Variants in METTL25 observed in about 807,000 individuals in gnomAD.
METTL25 encodes methyltransferase like 25.
In METTL25, 64 loss-of-function variants were observed where a neutral mutation model predicts 71.6. The observed-to-expected ratio is 0.89, with a 90% confidence interval of 0.73 to 1.10. The LOEUF (loss-of-function observed/expected upper bound fraction) is 1.10, where lower values mean the gene tolerates loss of function less well. Ranked by LOEUF, METTL25 falls within the 50% of genes least tolerant of loss-of-function variation. The pLI is 0.00. For missense variants in METTL25, 807 were observed against 707.0 expected, an observed-to-expected ratio of 1.14 and a Z score of -1.60; for synonymous variants, 287 against 250.3, an observed-to-expected ratio of 1.15 and a Z score of -1.38.
chr12:82,432,653 G>A (rs549149054), intron 6 of METTL25, among the ~76,000 whole-genome samples: 4 of 151,608 alleles, frequency 2.6e-5, no homozygotes, highest in African/African-American at 9.7e-5. Context: ...GACCATGCTG[G>A]CCTTAACTTG....
chr12:82,370,754 C>T (rs1013263719), intron 1 of METTL25, among the ~76,000 whole-genome samples: 23 of 152,074 alleles, frequency 1.5e-4, no homozygotes, highest in Admixed American at 7.2e-4. Context: ...CTCTCTCTGT[C>T]TCTGACTCCC....
chr12:82,443,312 C>G (rs1229773967), intron 8 of METTL25, among the ~76,000 whole-genome samples: 1 of 151,694 alleles, frequency 6.6e-6, no homozygotes, highest in Non-Finnish European at 1.5e-5. Flanking sequence ...AGGAGGGAAG[C>G]AGAATACCCC....
At chr12:82,462,831 A>G (rs1891976679) in intron 9 of METTL25, among the ~76,000 whole-genome samples, 2 of 152,096 alleles carry the variant, frequency 1.3e-5, no homozygotes, top group Non-Finnish European at 2.9e-5. Context: ...TATAGAACCT[A>G]TGCATATCCT....
intron 9 of METTL25, among the ~76,000 whole-genome samples, chr12:82,473,163 C>T (rs765945694): frequency 5.3e-5 from 8 of 151,972 alleles, no homozygotes; most frequent in Admixed American, 6.5e-5. Flanking sequence ...CTTTGCTAGG[C>T]ATGGCCTCAC....
At chr12:82,369,586 G>A in intron 1 of METTL25, 1 of 335,572 alleles carries the variant, frequency 3.0e-6, no homozygotes, top group South Asian at 2.2e-5. Flanking sequence ...TCTTAAAGGT[G>A]ATGCAGACCC....
intron 11 of METTL25, 27 bp from the exon 12 acceptor site, chr12:82,478,905 A>G (rs1240048244): frequency 5.1e-6 from 8 of 1,568,322 alleles, no homozygotes; most frequent in Non-Finnish European, 7.0e-6. Context: ...AAATGGTTGT[A>G]TATCTAAATC....
chr12:82,423,156 A>G (rs941965565), intron 5 of METTL25, among the ~76,000 whole-genome samples: 1 of 152,162 alleles, frequency 6.6e-6, no homozygotes, highest in Non-Finnish European at 1.5e-5. Context: ...ACAAGGCTAC[A>G]ATAACCAAAA....
chr12:82,368,523 G>T (rs1882830079), intron 1 of METTL25, among the ~76,000 whole-genome samples: 1 of 152,054 alleles, frequency 6.6e-6, no homozygotes, highest in African/African-American at 2.4e-5. Flanking sequence ...AATCTGCCTG[G>T]CCCCCTAAGG....
intron 1 of METTL25, among the ~76,000 whole-genome samples, chr12:82,362,595 A>G (rs1384572047): frequency 6.6e-6 from 1 of 152,210 alleles, no homozygotes; most frequent in African/African-American, 2.4e-5. Context: ...ATCCTCACAT[A>G]AAACTTGTAG....
At chr12:82,384,833 A>G (rs1884807756) in intron 1 of METTL25, among the ~76,000 whole-genome samples, 1 of 151,488 alleles carries the variant, frequency 6.6e-6, no homozygotes, top group Admixed American at 6.6e-5. Context: ...CCAATAGCTA[A>G]CTATTATAAT....
intron 1 of METTL25, among the ~76,000 whole-genome samples, chr12:82,359,286 A>G (rs1592562250): frequency 3.0e-5 from 2 of 67,274 alleles, no homozygotes; most frequent in African/African-American, 6.2e-5. Flanking sequence ...GAGGTCAGGA[A>G]CATGAGAAGG....
At chr12:82,462,046 TA>T (rs1891914594) in intron 9 of METTL25, among the ~76,000 whole-genome samples, 1 of 152,244 alleles carries the variant, frequency 6.6e-6, no homozygotes, top group Admixed American at 6.5e-5. Context: ...TTCCTTTTTC[TA>T]TAGACTAGGA....
At chr12:82,472,635 A>T (rs1015309114) in intron 9 of METTL25, among the ~76,000 whole-genome samples, 1 of 152,062 alleles carries the variant, frequency 6.6e-6, no homozygotes, top group Non-Finnish European at 1.5e-5. Flanking sequence ...TCTGTTATTG[A>T]AGCTCTCAAT....
At chr12:82,434,805 A>G (rs998717161) in intron 7 of METTL25, 81 bp downstream of exon 7, 10 of 1,103,656 alleles carry the variant, frequency 9.1e-6, no homozygotes, top group Non-Finnish European at 1.2e-5. Context: ...TGAACTTAAA[A>G]CCTAATGGAA....
At chr12:82,375,041 A>G (rs911459981) in intron 1 of METTL25, among the ~76,000 whole-genome samples, 1 of 152,232 alleles carries the variant, frequency 6.6e-6, no homozygotes, top group African/African-American at 2.4e-5. Flanking sequence ...AGGTAATTCC[A>G]AGATTTTGAT....
chr12:82,430,463 A>G (rs1215734018), intron 5 of METTL25, among the ~76,000 whole-genome samples: 1 of 151,694 alleles, frequency 6.6e-6, no homozygotes, highest in Non-Finnish European at 1.5e-5. Flanking sequence ...TGATGCTTCA[A>G]CATTGTTAGG....
intron 9 of METTL25, among the ~76,000 whole-genome samples, chr12:82,472,499 G>C (rs938762160): frequency 6.6e-6 from 1 of 152,138 alleles, no homozygotes; most frequent in African/African-American, 2.4e-5. Context: ...TTGGGAGGCT[G>C]AGGCAGGAGA....
intron 8 of METTL25, among the ~76,000 whole-genome samples, chr12:82,441,020 C>T (rs145689409): frequency 6.6e-6 from 1 of 152,074 alleles, no homozygotes; most frequent in East Asian, 1.9e-4. Flanking sequence ...AAAGACAGTT[C>T]TAGTGAAACA....
intron 8 of METTL25, 65 bp from the exon 9 acceptor site, chr12:82,456,662 T>A (rs1891512867): frequency 4.8e-6 from 4 of 836,310 alleles, no homozygotes; most frequent in Non-Finnish European, 7.5e-6. Context: ...ATTTCATGAT[T>A]GAAATTAAAA....
Sources: allele counts gnomAD v4.1 joint callset (sites outside exome capture counted in the v4.1 genomes callset), GRCh38; gene constraint gnomAD v4.1.1; transcripts MANE v1.5; gene names NCBI Gene and HGNC (gene_info 2026-07-23, HGNC 2026-07-21).